FAM227B: variants seen among roughly 807,000 people sequenced by gnomAD.
The protein encoded by FAM227B is protein FAM227B.
A neutral mutation model predicts 73.8 loss-of-function variants in FAM227B; 88 were observed. The ratio of observed to expected loss-of-function variants is 1.19; its 90% CI spans 1.00 to 1.42. The LOEUF (loss-of-function observed/expected upper bound fraction) is 1.42, where lower values mean the gene tolerates loss of function less well. FAM227B is among the 40% of genes most tolerant of loss of function. The pLI is 0.00. For synonymous variants in FAM227B, 210 were observed against 190.5 expected (o/e 1.10, Z -0.84); for missense variants, 632 against 590.9 (o/e 1.07, Z -0.72).
intron 11 of FAM227B, among the ~76,000 whole-genome samples, chr15:49,433,267 T>C (rs2050777145): frequency 6.6e-6 from 1 of 151,666 alleles, no homozygotes; most frequent in Admixed American, 6.6e-5. Flanking sequence ...CTTATGATTC[T>C]TTCTGTTTGC....
intron 11 of FAM227B, among the ~76,000 whole-genome samples, chr15:49,381,324 C>G (rs1411686866): frequency 1.3e-5 from 2 of 152,116 alleles, no homozygotes; most frequent in Non-Finnish European, 2.9e-5. Flanking sequence ...AAAGGCAAAA[C>G]CTGATAAAGA....
chr15:49,495,956 G>A (rs1338833876), intron 11 of FAM227B, among the ~76,000 whole-genome samples: 1 of 152,140 alleles, frequency 6.6e-6, no homozygotes, highest in African/African-American at 2.4e-5. Context: ...CCGGGAGGCA[G>A]AGGTTGCAGT....
intron 11 of FAM227B, among the ~76,000 whole-genome samples, chr15:49,448,120 C>A (rs1225043605): frequency 1.3e-5 from 2 of 151,674 alleles, no homozygotes; most frequent in African/African-American, 2.4e-5. Context: ...ATATTATGCT[C>A]CTATTTACAT....
intron 11 of FAM227B, among the ~76,000 whole-genome samples, chr15:49,443,558 T>C (rs555476925): frequency 6.6e-6 from 1 of 151,884 alleles, no homozygotes; most frequent in African/African-American, 2.4e-5. Flanking sequence ...TATAACTGTT[T>C]CATTGTGAAT....
At chr15:49,477,451 G>C (rs1031923545) in intron 11 of FAM227B, among the ~76,000 whole-genome samples, 5 of 152,210 alleles carry the variant, frequency 3.3e-5, no homozygotes, top group African/African-American at 9.6e-5. Context: ...TTTTCAGACT[G>C]GTTTCTTTCA....
At chr15:49,402,196 C>G (rs1316997974) in intron 11 of FAM227B, among the ~76,000 whole-genome samples, 2 of 152,036 alleles carry the variant, frequency 1.3e-5, no homozygotes, top group Non-Finnish European at 2.9e-5. Flanking sequence ...TACTGCAAGA[C>G]AAGCAAAGGG....
chr15:49,472,663 T>G (rs1290970161), intron 11 of FAM227B, among the ~76,000 whole-genome samples: 1 of 152,198 alleles, frequency 6.6e-6, no homozygotes, highest in Non-Finnish European at 1.5e-5. Flanking sequence ...AACATCACAA[T>G]GAATGACATT....
intron 3 of FAM227B, among the ~76,000 whole-genome samples, chr15:49,610,431 A>C (rs1033946365): frequency 9.2e-5 from 14 of 151,502 alleles, no homozygotes; most frequent in African/African-American, 3.4e-4. Flanking sequence ...AAAAAAAAAA[A>C]AAAAAAAAAA....
chr15:49,445,608 T>A (rs2052121518), intron 11 of FAM227B, among the ~76,000 whole-genome samples: 1 of 151,558 alleles, frequency 6.6e-6, no homozygotes, highest in African/African-American at 2.4e-5. Context: ...CACTATACAC[T>A]GTATATATGA....
rs200365077 is a variant in FAM227B, at chr15:49,611,312, A to G, written c.52-44T>C. On this transcript the variant is annotated intron_variant, in intron 2 of 15. Coordinates refer to ENST00000299338, the MANE Select transcript of FAM227B (RefSeq NM_152647.3). ...CATTGTTCATTGGCATAAACTCACTAGACTGTTCATAATATTTACAAATAA... is the reference window on the plus strand; with the variant it reads ...CATTGTTCATTGGCATAAACTCACTGGACTGTTCATAATATTTACAAATAA... The G allele has an allele frequency of 1.9e-4, 196 of 1,013,658 alleles. 1 individual carries two copies. The East Asian group carries it at 4.7e-3, about 24-fold the overall frequency. The allele number at this position is 1,013,658 out of a possible 1,614,324, so 62.8% of individuals were successfully genotyped here. A position where few individuals can be genotyped will look rare whatever the true frequency, so the allele number is the denominator to read the frequency against.
rs1430569412 is a variant in FAM227B at position 49,346,103 on chromosome 15, C to T, written c.1272-10607G>A. Among the ~76,000 whole-genome samples, 6 of 150,804 alleles carry T rather than the reference C, an allele frequency of 4.0e-5. No homozygotes were observed. The South Asian group carries it at 8.4e-4, about 21-fold the overall frequency. ...AAGCTGAAAGCCATGCTGCTGAACA[C>T]GAAACTTAACCTTTACTGGCTGCTT... is the stretch of plus-strand genomic sequence containing the variant. On this transcript the variant is annotated intron_variant, in intron 13 of 15. Transcript: ENST00000299338.
At chr15:49,353,113 G>A (rs2042493639) in intron 13 of FAM227B, among the ~76,000 whole-genome samples, 1 of 152,166 alleles carries the variant, frequency 6.6e-6, no homozygotes, top group African/African-American at 2.4e-5. Context: ...GGGAAAAATG[G>A]AAATAGTTGC....
chr15:49,344,547 C>T (rs981360675), intron 13 of FAM227B, among the ~76,000 whole-genome samples: 2 of 152,088 alleles, frequency 1.3e-5, no homozygotes, highest in South Asian at 2.1e-4. Context: ...AAGAGCCTAG[C>T]GAGGGAGGAC....
chr15:49,526,358 A>C (rs1189359888), intron 10 of FAM227B, among the ~76,000 whole-genome samples: 1 of 152,142 alleles, frequency 6.6e-6, no homozygotes, highest in Non-Finnish European at 1.5e-5. Flanking sequence ...TCAATGAAGC[A>C]GACACATAAT....
chr15:49,436,981 C>T (rs2051162788), intron 11 of FAM227B, among the ~76,000 whole-genome samples: 1 of 151,598 alleles, frequency 6.6e-6, no homozygotes, highest in Non-Finnish European at 1.5e-5. Context: ...ATCCATCTGT[C>T]TTCCCCTGAG....
chr15:49,411,096 C>G (rs1161580329), intron 11 of FAM227B, among the ~76,000 whole-genome samples: 1 of 151,220 alleles, frequency 6.6e-6, no homozygotes, highest in African/African-American at 2.4e-5. Flanking sequence ...AATAAAAATG[C>G]AGAGAAAGGG....
At position 49,367,543 on chromosome 15, in the gene FAM227B, T is replaced by C; in HGVS notation, c.1176A>G (p.Pro392=). The change falls in exon 13 of 16, where the codon CCA becomes CCG. Residue 392 remains proline (P), a synonymous_variant. Transcript: ENST00000299338. ...RVLFNFGGQS[P]LILYYLKMHE... ...GCATCTTAAGATAATATAAAATCAATGGACTCTGACCTCCAAAATTGAAGA... is the reference window on the plus strand; with the variant it reads ...GCATCTTAAGATAATATAAAATCAACGGACTCTGACCTCCAAAATTGAAGA... 6.2e-7 allele frequency: 1 copy of C among 1,607,230 alleles called. No individual in the cohort carries two copies. The highest frequency in any genetic ancestry group is 1.1e-5 in the South Asian group (1 of 89,198).
chr15:49,431,045 C>G (rs986885835), intron 11 of FAM227B, among the ~76,000 whole-genome samples: 8 of 151,828 alleles, frequency 5.3e-5, no homozygotes, highest in African/African-American at 1.9e-4. Flanking sequence ...AGCACAATAA[C>G]TTCTCTAACA....
At position 49,422,525 on chromosome 15, in the gene FAM227B, G is replaced by A; in HGVS notation, c.1013-51126C>T. ...AACAGCTTTTAAAAGTAGGTGCCCT[G>A]TTCCTTATATTAGTAGTGAGTATAA... On this transcript the variant is annotated intron_variant, in intron 11 of 15. Coordinates refer to ENST00000299338, the MANE Select transcript of FAM227B (RefSeq NM_152647.3). 2.3e-6 allele frequency: 3 copies of A among 1,309,076 alleles called. No homozygotes were observed. In the South Asian group the frequency reaches 7.7e-5, roughly 34 times the overall value. 81.1% of individuals were successfully genotyped at this position (1,309,076 alleles called of 1,614,324 possible).
Sources: gnomAD v4.1 joint callset for allele counts (sites outside exome capture counted in the v4.1 genomes callset) on GRCh38, gnomAD v4.1.1 for gene constraint, MANE v1.5 for transcripts, NCBI Gene and HGNC (gene_info 2026-07-23, HGNC 2026-07-21) for gene names.